ZNF605: variants seen among roughly 807,000 people sequenced by gnomAD.
ZNF605 encodes the protein zinc finger protein 605.
Under a neutral mutation model 7.9 loss-of-function variants are expected in ZNF605, and 9 were observed. The observed-to-expected ratio is 1.14, with a 90% CI of 0.68 to 1.98. The LOEUF (loss-of-function observed/expected upper bound fraction) is 1.98. Ranked by LOEUF, ZNF605 falls within the 30% of genes most tolerant of loss-of-function variation. The pLI is 0.00. For missense variants in ZNF605, 673 were observed against 762.4 expected (o/e 0.88, Z 1.38); for synonymous variants, 255 against 260.1 (o/e 0.98, Z 0.19).
chr12:132,942,519 A>T (rs1046273839), intron 3 of ZNF605, among the ~76,000 whole-genome samples: 3 of 152,234 alleles, frequency 2.0e-5, no homozygotes, highest in Non-Finnish European at 4.4e-5. Context: ...AGGCCCTCTG[A>T]AGTCAAGGCC....
rs758962738 is a variant in ZNF605 at position 132,924,313 on chromosome 12, G to GTGTTTCCACTC, written c.*1049_*1059dup. The stretch of plus-strand genomic sequence containing the variant: ...CTGAGAATTCTACCTGATGCTCCAT[G>GTGTTTCCACTC]TGTTTCCACTCTGTTTCCACTCTGG... On this transcript the variant is annotated 3_prime_UTR_variant, in exon 5 of 5. Transcript: ENST00000360187. The GTGTTTCCACTC allele has an allele frequency of 3.9e-5, 6 of 152,224 alleles. No homozygotes were observed. The highest frequency in any genetic ancestry group is 1.4e-4 in the African/African-American group (6 of 41,446). 9.4% of individuals were successfully genotyped at this position (152,224 alleles called of 1,614,324 possible). A position where few individuals can be genotyped will look rare whatever the true frequency, so the allele number is the denominator to read the frequency against.
At chr12:132,952,450 CAAAAAAAAA>C in intron 1 of ZNF605, among the ~76,000 whole-genome samples, 1 of 88,952 alleles carries the variant, frequency 1.1e-5, no homozygotes. Flanking sequence ...GACTCTGTCT[CAAAAAAAAA>C]AAAAAAAAAA....
chr12:132,950,898 G>A (rs763068121), intron 1 of ZNF605, among the ~76,000 whole-genome samples: 14 of 149,840 alleles, frequency 9.3e-5, no homozygotes, highest in Non-Finnish European at 1.9e-4. Flanking sequence ...ACTCACAGAC[G>A]CACACACATA....
In ZNF605 at chr12:132,941,039, TCTG is replaced by T. The variant is rs1952434263; in HGVS notation, c.15+4579_15+4581del. Among the ~76,000 whole-genome samples the T allele has an allele frequency of 6.6e-6, 1 of 152,094 alleles. No individual in the cohort carries two copies. Among genetic ancestry groups the T allele is most frequent in the African/African-American group, 2.4e-5 (1 of 41,410 alleles). On this transcript the variant is annotated intron_variant, in intron 3 of 4. Transcript: ENST00000360187. This position sits in a 1 kb window ranked among gnomAD's most constrained non-coding sequence, Gnocchi z 5.1. Reference sequence around the variant, plus strand: ...ATGAGACATTTAGATAAAAATCAGTTCTGCTCCTAAGAAGCATTTTGTTACCCA... The same window carrying T: ...ATGAGACATTTAGATAAAAATCAGTTCTCCTAAGAAGCATTTTGTTACCCA...
rs1365426043 is a variant in ZNF605 at position 132,954,275 on chromosome 12, T to C, written c.-286+1968A>G. ...GCCCCACTTAAGAATCACCACAGAC[T>C]GAAACCCCAAACTCTGAGTCCCAAA... is the stretch of plus-strand genomic sequence containing the variant. On this transcript the variant is annotated intron_variant, in intron 1 of 4. Transcript: ENST00000360187. 2.8e-5 allele frequency among the ~76,000 whole-genome samples: 4 copies of C among 143,074 alleles called. No individual in the cohort carries two copies. The East Asian group carries it at 6.4e-4, about 23-fold the overall frequency. The allele number at this position is 143,074 out of a possible 152,430, so 93.9% of individuals were successfully genotyped here. A position where few individuals can be genotyped will look rare whatever the true frequency, so the allele number is the denominator to read the frequency against.
chr12:132,922,487 T>G lies in ZNF605; in HGVS notation c.*2886A>C. On this transcript the variant is annotated 3_prime_UTR_variant, in exon 5 of 5. Transcript: ENST00000360187. ...CAGATACAGATAGAAAATACTGATA[T>G]GTAGTGTGGGGAATCTTGAGACATT... The G allele has an allele frequency of 6.6e-6, 1 of 152,226 alleles. No homozygotes were observed. The highest frequency in any genetic ancestry group is 1.9e-4 in the East Asian group (1 of 5,202). The allele number at this position is 152,226 out of a possible 1,614,324, so 9.4% of individuals were successfully genotyped here. A position where few individuals can be genotyped will look rare whatever the true frequency, so the allele number is the denominator to read the frequency against.
At position 132,934,727 on chromosome 12, in the gene ZNF605, C is replaced by T. The variant is rs972261295; in HGVS notation, c.16-1572G>A. On this transcript the variant is annotated intron_variant, in intron 3 of 4. Transcript: ENST00000360187. ...CTAAAAAAAAAAAAAAAAAAAGATT[C>T]CAGGAACCATAACAGGTACTAGAAA... Among the ~76,000 whole-genome samples the T allele has an allele frequency of 9.0e-4, 128 of 142,134 alleles. 1 individual carries two copies. The highest frequency in any genetic ancestry group is 1.5e-3 in the Non-Finnish European group (98 of 64,882). 93.2% of individuals were successfully genotyped at this position (142,134 alleles called of 152,430 possible). A position where few individuals can be genotyped will look rare whatever the true frequency, so the allele number is the denominator to read the frequency against.
rs924394889 is a variant in ZNF605 at position 132,925,617 on chromosome 12, T to A, written c.1682A>T (p.Tyr561Phe). Residue 561 changes from tyrosine (Y) to phenylalanine (F), a missense_variant, in exon 5 of 5, where the codon TAT becomes TTT. Coordinates refer to ENST00000360187, the MANE Select transcript of ZNF605 (RefSeq NM_183238.4). ...AGCTTTTGCACAATCGCTGCATCCA[T>A]AGGTTTTCTCTCCTGTGTGATTTCT... ...HQRNHTGEKT[Y>F]GCSDCAKAFF... 7 of 1,614,212 alleles carry A rather than the reference T, an allele frequency of 4.3e-6. No homozygotes were observed. Among genetic ancestry groups the A allele is most frequent in the Non-Finnish European group, 5.1e-6 (6 of 1,180,036 alleles).
intron 3 of ZNF605, among the ~76,000 whole-genome samples, chr12:132,939,617 A>G (rs1952411273): frequency 1.3e-5 from 2 of 152,168 alleles, no homozygotes; most frequent in African/African-American, 2.4e-5. Flanking sequence ...GCGCCCTGAC[A>G]AAACAGGCCA....
chr12:132,926,250 G>T lies in ZNF605; in HGVS notation c.1049C>A (p.Ser350Ter), dbSNP rs1290992529. The change falls in exon 5 of 5, where the codon TCA (serine) becomes TAA (stop). Residue 350 changes from serine to a stop codon, truncating the protein, a stop_gained. Coordinates refer to ENST00000360187, the MANE Select transcript of ZNF605 (RefSeq NM_183238.4). LOFTEE classifies it low-confidence loss of function (END_TRUNC). ...AATCCTCTGATGCCTAATGAGAAGT[G>T]AGTTCCTGCTGAAGGCTTTTTGACA... ...GECQKAFSRN[S>*]LLIRHQRIHT... 30 of 1,614,046 alleles carry T rather than the reference G, an allele frequency of 1.9e-5. No homozygotes were observed. Among genetic ancestry groups the T allele is most frequent in the Non-Finnish European group, 2.5e-5 (29 of 1,180,030 alleles).
intron 3 of ZNF605, among the ~76,000 whole-genome samples, chr12:132,943,829 TTGAG>T (rs1423479529): frequency 6.6e-6 from 1 of 152,116 alleles, no homozygotes; most frequent in Non-Finnish European, 1.5e-5. Context: ...CGACTCCATC[TTGAG>T]TGAGGGCGAG....
intron 3 of ZNF605, among the ~76,000 whole-genome samples, chr12:132,940,021 G>A (rs1952419108): frequency 6.6e-6 from 1 of 152,158 alleles, no homozygotes; most frequent in Admixed American, 6.5e-5. Context: ...ACAGACTCCA[G>A]ACGCGCCACC....
Position 132,926,390 on chromosome 12 carries a change from G to A in ZNF605, c.909C>T (p.His303=), listed in dbSNP as rs1023204264. The A allele has an allele frequency of 6.2e-7, 1 of 1,613,972 alleles. No individual in the cohort carries two copies. Residue 303 remains histidine (H), a synonymous_variant, in exon 5 of 5, where the codon CAC becomes CAT. Transcript: ENST00000360187. The part of the protein sequence containing the change: ...KLKLITHQRA[H]TGEKPYPCSH... ...TACATGGATAGGGTTTCTCTCCTGT[G>A]TGCGCTCTCTGATGTGTGATGAGTT...
intron 1 of ZNF605, among the ~76,000 whole-genome samples, chr12:132,949,977 C>T (rs1182737633): frequency 6.6e-6 from 1 of 152,012 alleles, no homozygotes; most frequent in Non-Finnish European, 1.5e-5. Flanking sequence ...CCTGGAAGAG[C>T]CCAGAGATTG....
chr12:132,932,967 C>T, intron 4 of ZNF605, 68 bp downstream of exon 4: 2 of 1,506,178 alleles, frequency 1.3e-6, no homozygotes, highest in Non-Finnish European at 1.8e-6. Context: ...AAACTTACAT[C>T]CAAAATAAAC....
intron 1 of ZNF605, among the ~76,000 whole-genome samples, chr12:132,955,763 C>A (rs1472556659): frequency 3.3e-5 from 5 of 152,046 alleles, no homozygotes; most frequent in African/African-American, 9.7e-5. Context: ...AATGCTCACC[C>A]AAAGGCATCC....
intron 4 of ZNF605, chr12:132,932,627 T>C (rs1256182690): frequency 2.4e-6 from 2 of 850,362 alleles, no homozygotes; most frequent in Non-Finnish European, 3.5e-6. Context: ...CACAGTTTTA[T>C]AAACAACACT....
intron 1 of ZNF605, among the ~76,000 whole-genome samples, chr12:132,952,279 G>C (rs1322537110): frequency 2.0e-5 from 3 of 151,772 alleles, no homozygotes; most frequent in African/African-American, 7.3e-5. Flanking sequence ...GGCCAACATG[G>C]TGAAACCCCA....
chr12:132,939,498 T>C (rs533450449), intron 3 of ZNF605, among the ~76,000 whole-genome samples: 84 of 152,192 alleles, frequency 5.5e-4, no homozygotes, highest in Non-Finnish European at 6.3e-4. Context: ...ATCTAGCTGC[T>C]CTGGTGGGGC....
Sources: gnomAD v4.1 joint callset for allele counts (sites outside exome capture counted in the v4.1 genomes callset) on GRCh38, gnomAD v4.1.1 for gene constraint, Gnocchi (gnomAD v3.1) non-coding constraint, MANE v1.5 for transcripts, NCBI Gene and HGNC (gene_info 2026-07-23, HGNC 2026-07-21) for gene names.